The following SLC24A4 variants were observed in gnomAD, a reference collection of about 807,000 sequenced individuals.
The protein encoded by SLC24A4 is solute carrier family 24 member 4.
SLC24A4 carries 53 observed loss-of-function variants against 79.0 expected under a neutral mutation model. That is an observed-to-expected ratio of 0.67 (90% CI 0.54 to 0.84). The LOEUF (loss-of-function observed/expected upper bound fraction) is 0.84, where lower values mean the gene tolerates loss of function less well. Ranked by LOEUF, SLC24A4 falls within the 40% of genes least tolerant of loss-of-function variation. The pLI is 0.00. For missense variants in SLC24A4, 731 were observed against 822.0 expected (o/e 0.89, Z 1.35); for synonymous variants, 323 against 323.8 (o/e 1.00, Z 0.03).
At chr14:92,374,078 A>G (rs1317002216) in intron 2 of SLC24A4, among the ~76,000 whole-genome samples, 3 of 152,224 alleles carry the variant, frequency 2.0e-5, no homozygotes, top group African/African-American at 7.2e-5. Context: ...TTACCTTGGC[A>G]AGGGAGGCCC....
At chr14:92,354,185 G>A (rs1380514616) in intron 2 of SLC24A4, among the ~76,000 whole-genome samples, 1 of 120,352 alleles carries the variant, frequency 8.3e-6, no homozygotes, top group East Asian at 2.4e-4. Context: ...TTTTTTTTTT[G>A]AGATGGAGTC....
intron 12 of SLC24A4, among the ~76,000 whole-genome samples, chr14:92,478,550 A>G (rs1894892957): frequency 6.6e-6 from 1 of 151,902 alleles, no homozygotes; most frequent in Non-Finnish European, 1.5e-5. Context: ...TTATTTCTGG[A>G]CTCATAATTT....
chr14:92,456,157 G>C (rs1449718247), intron 11 of SLC24A4, among the ~76,000 whole-genome samples: 2 of 152,252 alleles, frequency 1.3e-5, no homozygotes, highest in East Asian at 1.9e-4. Context: ...TGTCGAGCTG[G>C]CAGTAGGAAG....
intron 2 of SLC24A4, among the ~76,000 whole-genome samples, chr14:92,339,628 C>T (rs553217746): frequency 3.9e-5 from 6 of 152,218 alleles, no homozygotes; most frequent in South Asian, 4.1e-4. Flanking sequence ...GCTGAGGGAA[C>T]GGTGGGCGCG....
At chr14:92,484,882 A>G in intron 13 of SLC24A4, 1 of 985,454 alleles carries the variant, frequency 1.0e-6, no homozygotes, top group South Asian at 4.7e-5. Context: ...GCGTTGCTGA[A>G]TAATACACAG....
intron 2 of SLC24A4, chr14:92,408,391 T>A (rs1890524734): frequency 2.0e-6 from 2 of 985,478 alleles, no homozygotes; most frequent in Middle Eastern, 1.0e-3. Context: ...TAAGTGCCTG[T>A]GTGTTGGCAA....
intron 14 of SLC24A4, among the ~76,000 whole-genome samples, chr14:92,488,034 C>T (rs1895471359): frequency 6.6e-6 from 1 of 151,402 alleles, no homozygotes; most frequent in South Asian, 2.1e-4. Context: ...CCCCTTCCTT[C>T]CTTCCTTCCA....
intron 12 of SLC24A4, among the ~76,000 whole-genome samples, chr14:92,466,292 C>A (rs1204734648): frequency 2.0e-5 from 3 of 152,208 alleles, no homozygotes; most frequent in African/African-American, 7.2e-5. Context: ...CTGCACCAAG[C>A]ACTGTTCTAA....
Position 92,323,735 on chromosome 14 carries a change from C to G in SLC24A4, c.-96C>G, listed in dbSNP as rs1322588954. 5 of 1,436,776 alleles carry G rather than the reference C, an allele frequency of 3.5e-6. No individual in the cohort carries two copies. In the East Asian group the frequency reaches 1.3e-4, roughly 36 times the overall value. 89.0% of individuals were successfully genotyped at this position (1,436,776 alleles called of 1,614,324 possible). On this transcript the variant is annotated 5_prime_UTR_variant, in exon 1 of 17. Transcript: ENST00000532405. This position sits in a 1 kb window ranked among gnomAD's most constrained non-coding sequence, Gnocchi z 4.9. ...AGCTCCTCGCCTCTGAGTCGCGCAC[C>G]GCCTGCTCCAGCCCCAGCGCCGCTC...
intron 2 of SLC24A4, among the ~76,000 whole-genome samples, chr14:92,384,191 T>C (rs1889017720): frequency 6.6e-6 from 1 of 152,084 alleles, no homozygotes; most frequent in African/African-American, 2.4e-5. Flanking sequence ...GTCTTTGGGG[T>C]AAAGTAATGT....
chr14:92,330,284 G>A (rs1028774377), intron 2 of SLC24A4, among the ~76,000 whole-genome samples: 1 of 152,156 alleles, frequency 6.6e-6, no homozygotes, highest in East Asian at 1.9e-4. Context: ...ACAAAAATTT[G>A]AATGTTAACA....
chr14:92,412,370 G>GGC (rs1158839855), intron 2 of SLC24A4, among the ~76,000 whole-genome samples: 2 of 152,148 alleles, frequency 1.3e-5, no homozygotes, highest in Non-Finnish European at 2.9e-5. Context: ...ACAGGGGAAG[G>GGC]GCAGTTCCCC....
chr14:92,338,443 T>A (rs1885940130), intron 2 of SLC24A4, among the ~76,000 whole-genome samples: 1 of 152,244 alleles, frequency 6.6e-6, no homozygotes, highest in African/African-American at 2.4e-5. Flanking sequence ...TCAGAATTGA[T>A]CTATAAAATC....
At chr14:92,462,853 T>G (rs1893891846) in intron 12 of SLC24A4, 1 of 152,174 alleles carries the variant, frequency 6.6e-6, no homozygotes. Context: ...GAGCTAGGAT[T>G]TACACAATGG....
intron 2 of SLC24A4, among the ~76,000 whole-genome samples, chr14:92,399,615 G>A (rs535394418): frequency 6.6e-6 from 1 of 152,178 alleles, no homozygotes; most frequent in African/African-American, 2.4e-5. Flanking sequence ...ATCTTGAAGT[G>A]TCTTCTATCT....
intron 12 of SLC24A4, among the ~76,000 whole-genome samples, chr14:92,478,125 T>C (rs895881069): frequency 6.6e-6 from 1 of 152,220 alleles, no homozygotes; most frequent in Non-Finnish European, 1.5e-5. Flanking sequence ...ACTTTCTTAA[T>C]AGTATTCTAT....
At chr14:92,393,588 C>T (rs980564716) in intron 2 of SLC24A4, among the ~76,000 whole-genome samples, 6 of 148,492 alleles carry the variant, frequency 4.0e-5, no homozygotes, top group Non-Finnish European at 7.4e-5. Context: ...CTCTGTCGCC[C>T]AGGATGGAGT....
chr14:92,344,609 C>A (rs1411298240), intron 2 of SLC24A4, among the ~76,000 whole-genome samples: 2 of 151,886 alleles, frequency 1.3e-5, no homozygotes, highest in Non-Finnish European at 2.9e-5. Flanking sequence ...AATCTTAGGA[C>A]CGAGAATGGA....
chr14:92,359,116 G>T lies in SLC24A4; in HGVS notation c.241+33138G>T, dbSNP rs145353921. On this transcript the variant is annotated intron_variant, in intron 2 of 16. Transcript: ENST00000532405. ...TAGGAGGCCAGTCTAGTCTAAGGAA[G>T]TCCTCTATCCTAGCCTAGCCCAGGG... 1.8e-3 allele frequency among the ~76,000 whole-genome samples: 272 copies of T among 152,310 alleles called. 1 individual carries two copies. The highest frequency in any genetic ancestry group is 6.1e-3 in the African/African-American group (255 of 41,568).
Sources: allele counts gnomAD v4.1 joint callset (sites outside exome capture counted in the v4.1 genomes callset), GRCh38; gene constraint gnomAD v4.1.1; non-coding constraint Gnocchi (gnomAD v3.1); transcripts MANE v1.5; gene names NCBI Gene and HGNC (gene_info 2026-07-23, HGNC 2026-07-21).